The following TFCP2 variants were observed in gnomAD, a reference collection of about 807,000 sequenced individuals.
TFCP2 encodes transcription factor CP2.
Under a neutral mutation model 73.4 loss-of-function variants are expected in TFCP2, and 33 were observed. The observed-to-expected ratio is 0.45, with a 90% CI of 0.34 to 0.60. The LOEUF (loss-of-function observed/expected upper bound fraction) is 0.60, where lower values mean the gene tolerates loss of function less well. TFCP2 is among the 20% of genes least tolerant of loss of function. TFCP2 has a pLI of 0.01. For missense variants in TFCP2, 352 were observed against 604.0 expected, an observed-to-expected ratio of 0.58 and a Z score of 4.37; for synonymous variants, 193 against 211.6, an observed-to-expected ratio of 0.91 and a Z score of 0.76.
chr12:51,120,331 A>G (rs73303994), intron 1 of TFCP2, among the ~76,000 whole-genome samples: 1 of 152,294 alleles, frequency 6.6e-6, no homozygotes, highest in African/African-American at 2.4e-5. Context: ...TGCAACACGG[A>G]TGAATCTCAC....
At chr12:51,157,720 T>C (rs1941568792) in intron 1 of TFCP2, among the ~76,000 whole-genome samples, 1 of 127,492 alleles carries the variant, frequency 7.8e-6, no homozygotes, top group South Asian at 2.8e-4. Context: ...AGAGTCTCGC[T>C]CTATTGCCCA....
intron 9 of TFCP2, 142 bp downstream of exon 9, chr12:51,104,013 G>T: frequency 1.1e-6 from 1 of 899,874 alleles, no homozygotes. Context: ...ACAGTATCTG[G>T]TTCATAGTCA....
At position 51,135,058 on chromosome 12, in the gene TFCP2, C is replaced by T. The variant is rs1013908144; in HGVS notation, c.123-16286G>A. ...CCTGGAGGTTGAGGCTGCAGTGAGC[C>T]GTGACTGTGCCACGGCATTCCAGCC... On this transcript the variant is annotated intron_variant, in intron 1 of 14. Coordinates refer to ENST00000257915, the MANE Select transcript of TFCP2 (RefSeq NM_005653.5). 6.0e-5 allele frequency among the ~76,000 whole-genome samples: 9 copies of T among 150,446 alleles called. No homozygotes were observed. The East Asian group carries it at 1.4e-3, about 23-fold the overall frequency.
chr12:51,166,293 C>T (rs1260248543), intron 1 of TFCP2, among the ~76,000 whole-genome samples: 2 of 151,372 alleles, frequency 1.3e-5, no homozygotes, highest in Non-Finnish European at 2.9e-5. Flanking sequence ...GCCTGGGCAA[C>T]AAGATCGAAA....
chr12:51,108,932 A>G (rs1592793971), intron 6 of TFCP2, among the ~76,000 whole-genome samples, 189 bp downstream of exon 6: 1 of 152,174 alleles, frequency 6.6e-6, no homozygotes, highest in East Asian at 1.9e-4. Flanking sequence ...CCAAGTTCCT[A>G]TTATCCTACG....
intron 1 of TFCP2, among the ~76,000 whole-genome samples, chr12:51,152,786 T>C (rs1234329324): frequency 6.6e-6 from 1 of 152,252 alleles, no homozygotes; most frequent in African/African-American, 2.4e-5. Flanking sequence ...TCCCAACTGC[T>C]TTTTATTGTG....
intron 4 of TFCP2, among the ~76,000 whole-genome samples, chr12:51,114,889 C>T (rs976248529): frequency 1.3e-5 from 2 of 151,410 alleles, no homozygotes; most frequent in African/African-American, 4.8e-5. Flanking sequence ...TGGTGAAACC[C>T]CGTCTCTACC....
chr12:51,110,995 A>C lies in TFCP2; in HGVS notation c.458-12T>G. 8 of 1,582,152 alleles carry C rather than the reference A, an allele frequency of 5.1e-6. No homozygotes were observed. Among genetic ancestry groups the C allele is most frequent in the Non-Finnish European group, 7.0e-6 (8 of 1,150,848 alleles). On this transcript the variant is annotated splice_polypyrimidine_tract_variant and intron_variant, in intron 4 of 14. Coordinates refer to ENST00000257915, the MANE Select transcript of TFCP2 (RefSeq NM_005653.5). Reference sequence around the variant, plus strand: ...AGACATCGGGATATCTGAGAAACAAAATGGTAATCATTGAACAATTTTGAG... The same window carrying C: ...AGACATCGGGATATCTGAGAAACAACATGGTAATCATTGAACAATTTTGAG...
intron 1 of TFCP2, among the ~76,000 whole-genome samples, chr12:51,133,976 T>C (rs1009435920): frequency 6.8e-6 from 1 of 147,576 alleles, no homozygotes; most frequent in Non-Finnish European, 1.5e-5. Flanking sequence ...TTGAACAATA[T>C]GGCCAGATCC....
At chr12:51,146,684 T>G (rs572937576) in intron 1 of TFCP2, among the ~76,000 whole-genome samples, 41 of 152,298 alleles carry the variant, frequency 2.7e-4, no homozygotes, top group South Asian at 1.0e-3. Context: ...CTGGAATATA[T>G]TTCTCCTCCA....
intron 1 of TFCP2, among the ~76,000 whole-genome samples, chr12:51,144,773 T>C (rs1414791703): frequency 1.3e-5 from 2 of 152,194 alleles, no homozygotes; most frequent in African/African-American, 4.8e-5. Flanking sequence ...AAGAATTTCT[T>C]AGACAACACT....
intron 1 of TFCP2, among the ~76,000 whole-genome samples, chr12:51,162,108 G>C (rs1167370708): frequency 6.6e-6 from 1 of 151,882 alleles, no homozygotes; most frequent in Non-Finnish European, 1.5e-5. Flanking sequence ...AGATAGAATT[G>C]AAATTACTTA....
At chr12:51,163,784 TA>T (rs1195924197) in intron 1 of TFCP2, among the ~76,000 whole-genome samples, 1 of 147,944 alleles carries the variant, frequency 6.8e-6, no homozygotes, top group Non-Finnish European at 1.5e-5. Flanking sequence ...AAAACAGAGA[TA>T]AAAAAAAGAA....
chr12:51,162,427 T>C (rs1456306250), intron 1 of TFCP2, among the ~76,000 whole-genome samples: 2 of 138,442 alleles, frequency 1.4e-5, no homozygotes, highest in African/African-American at 2.7e-5. Context: ...GCCTGGGTGA[T>C]AGAGCTAGAC....
At chr12:51,113,421 G>A (rs879111132) in intron 4 of TFCP2, among the ~76,000 whole-genome samples, 1 of 152,126 alleles carries the variant, frequency 6.6e-6, no homozygotes, top group Non-Finnish European at 1.5e-5. Context: ...GTGTAGCAAC[G>A]TGGGAAGACA....
chr12:51,095,650 C>T (rs1303928206), intron 14 of TFCP2, among the ~76,000 whole-genome samples: 1 of 151,566 alleles, frequency 6.6e-6, no homozygotes, highest in Admixed American at 6.6e-5. Flanking sequence ...CCCATCTCTA[C>T]TAAAAATACA....
At chr12:51,099,571 T>A in intron 12 of TFCP2, 84 bp downstream of exon 12, 1 of 1,529,064 alleles carries the variant, frequency 6.5e-7, no homozygotes, top group East Asian at 2.3e-5. Context: ...AAATCTGCTG[T>A]TTGATAGTTT....
chr12:51,161,642 T>C (rs1941650231), intron 1 of TFCP2, among the ~76,000 whole-genome samples: 5 of 149,708 alleles, frequency 3.3e-5, no homozygotes, highest in South Asian at 4.2e-4. Context: ...ATCATGCCAC[T>C]GTACTCCAGC....
intron 1 of TFCP2, among the ~76,000 whole-genome samples, chr12:51,165,318 G>C (rs957371006): frequency 6.6e-6 from 1 of 152,022 alleles, no homozygotes; most frequent in South Asian, 2.1e-4. Flanking sequence ...TATATACCAT[G>C]ACCAACATTT....
Sources: gnomAD v4.1 joint callset for allele counts (sites outside exome capture counted in the v4.1 genomes callset) on GRCh38, gnomAD v4.1.1 for gene constraint, MANE v1.5 for transcripts, NCBI Gene and HGNC (gene_info 2026-07-23, HGNC 2026-07-21) for gene names.